Variants in OBI1 observed in about 807,000 individuals in gnomAD.
OBI1 encodes ring finger protein 219.
OBI1 carries 59 observed loss-of-function variants against 62.4 expected under a neutral mutation model. The ratio of observed to expected loss-of-function variants is 0.95; its 90% CI spans 0.77 to 1.17. The LOEUF (loss-of-function observed/expected upper bound fraction) is 1.17, where lower values mean the gene tolerates loss of function less well. Ranked by LOEUF, OBI1 falls within the 50% of genes most tolerant of loss-of-function variation. The pLI is 0.00. For synonymous variants in OBI1, 302 were observed against 292.8 expected, an observed-to-expected ratio of 1.03 and a Z score of -0.32; for missense variants, 875 against 830.9, an observed-to-expected ratio of 1.05 and a Z score of -0.65.
At chr13:78,641,520 A>G (rs543893160) in intron 3 of OBI1, among the ~76,000 whole-genome samples, 1 of 152,300 alleles carries the variant, frequency 6.6e-6, no homozygotes, top group Admixed American at 6.5e-5. Context: ...TCAAAAGTGT[A>G]TGTATTCTAT....
At chr13:78,644,224 T>G (rs2137460282) in intron 2 of OBI1, among the ~76,000 whole-genome samples, 1 of 152,344 alleles carries the variant, frequency 6.6e-6, no homozygotes, top group East Asian at 1.9e-4. Context: ...ACATTTTGGA[T>G]CATACCACTC....
intron 5 of OBI1, among the ~76,000 whole-genome samples, chr13:78,621,322 C>A (rs1461219766): frequency 1.3e-5 from 2 of 152,186 alleles, no homozygotes; most frequent in African/African-American, 2.4e-5. Flanking sequence ...TCACTTCTAG[C>A]TTTTCAGTTC....
chr13:78,649,280 C>A (rs1453029557), intron 1 of OBI1, among the ~76,000 whole-genome samples: 1 of 152,124 alleles, frequency 6.6e-6, no homozygotes, highest in African/African-American at 2.4e-5. Context: ...GAAGAGCAAC[C>A]AGCAGAGGAA....
chr13:78,638,405 G>C (rs1262072805), intron 4 of OBI1, among the ~76,000 whole-genome samples: 1 of 152,150 alleles, frequency 6.6e-6, no homozygotes, highest in African/African-American at 2.4e-5. Flanking sequence ...GGTAGCAAAA[G>C]AAAAGATAAG....
chr13:78,633,806 G>A (rs542349870), intron 5 of OBI1, among the ~76,000 whole-genome samples: 37 of 152,204 alleles, frequency 2.4e-4, no homozygotes, highest in African/African-American at 8.2e-4. Flanking sequence ...GGTGGCTCAC[G>A]CCTGTAATCC....
At chr13:78,619,821 T>C (rs1875451419) in intron 5 of OBI1, among the ~76,000 whole-genome samples, 1 of 152,228 alleles carries the variant, frequency 6.6e-6, no homozygotes, top group African/African-American at 2.4e-5. Flanking sequence ...ATAAAAGTCA[T>C]TCTCTTACTT....
intron 1 of OBI1, among the ~76,000 whole-genome samples, chr13:78,651,906 C>A (rs1876556193): frequency 6.6e-6 from 1 of 152,116 alleles, no homozygotes; most frequent in Non-Finnish European, 1.5e-5. Flanking sequence ...GCTGAGATAA[C>A]AATCCTAAAA....
In OBI1 at chr13:78,659,112, C is replaced by G. The variant is rs754724403; in HGVS notation, c.9G>C (p.Gln3His). 12 of 1,611,524 alleles carry G rather than the reference C, an allele frequency of 7.4e-6. No individual in the cohort carries two copies. The highest frequency in any genetic ancestry group is 3.4e-5 in the Admixed American group (2 of 59,652). Residue 3 changes from glutamine to histidine, a missense_variant, in exon 1 of 6, where the codon CAG becomes CAC. Gln to His is a conservative substitution (Grantham distance 24). Coordinates refer to ENST00000282003, the MANE Select transcript of OBI1 (RefSeq NM_024546.4). MA[Q>H]TVQNVTLSLT... The stretch of plus-strand genomic sequence containing the variant: ...GCGACAATGTAACATTCTGCACGGT[C>G]TGAGCCATGGCAGCGTTCAGAATCC...
chr13:78,652,595 C>A (rs1017866793), intron 1 of OBI1, among the ~76,000 whole-genome samples: 1 of 152,170 alleles, frequency 6.6e-6, no homozygotes, highest in Non-Finnish European at 1.5e-5. Context: ...CGGTCCCCAA[C>A]CTTTTTGGCA....
chr13:78,643,757 C>T (rs1013860211), intron 2 of OBI1, among the ~76,000 whole-genome samples: 2 of 151,790 alleles, frequency 1.3e-5, no homozygotes, highest in East Asian at 3.9e-4. Context: ...CACTGCACTC[C>T]AGCCTGGGTA....
chr13:78,629,686 C>A (rs564653497), intron 5 of OBI1, among the ~76,000 whole-genome samples: 1 of 152,242 alleles, frequency 6.6e-6, no homozygotes, highest in East Asian at 1.9e-4. Flanking sequence ...TATGAGAAAT[C>A]CAGTACTTAA....
chr13:78,655,104 G>A (rs1376068303), intron 1 of OBI1, among the ~76,000 whole-genome samples: 8 of 152,062 alleles, frequency 5.3e-5, no homozygotes, highest in African/African-American at 9.7e-5. Context: ...AACCAACTGC[G>A]GGCCACATTT....
At position 78,652,620 on chromosome 13, in the gene OBI1, C is replaced by T. The variant is rs147612128; in HGVS notation, c.72+6429G>A. Among the ~76,000 whole-genome samples, 303 of 152,218 alleles carry T rather than the reference C, an allele frequency of 2.0e-3. 1 individual carries two copies. Among genetic ancestry groups the T allele is most frequent in the African/African-American group, 6.6e-3 (276 of 41,526 alleles). On this transcript the variant is annotated intron_variant, in intron 1 of 5. Transcript: ENST00000282003. Reference sequence around the variant, plus strand: ...CCTTTTTGGCACTAGGGACTGGTTTCGTGGAAGATAATTTTTCCACAGACT... The same window carrying T: ...CCTTTTTGGCACTAGGGACTGGTTTTGTGGAAGATAATTTTTCCACAGACT...
At chr13:78,632,912 A>G (rs1875897832) in intron 5 of OBI1, among the ~76,000 whole-genome samples, 1 of 152,218 alleles carries the variant, frequency 6.6e-6, no homozygotes, top group Admixed American at 6.5e-5. Flanking sequence ...CTAAAGTTAT[A>G]TTGGATTCAG....
In OBI1 at chr13:78,615,484, C is replaced by A; in HGVS notation, c.*96G>T. On this transcript the variant is annotated 3_prime_UTR_variant, in exon 6 of 6. Transcript: ENST00000282003. ...GATACTTGACTAAAGATTATCAATT[C>A]CAATTTGTATAGAACTTTTATGAGG... 1 of 870,010 alleles carries A rather than the reference C, an allele frequency of 1.1e-6. No individual in the cohort carries two copies. Among genetic ancestry groups the A allele is most frequent in the Non-Finnish European group, 1.8e-6 (1 of 561,802 alleles). The allele number at this position is 870,010 out of a possible 1,614,324, so 53.9% of individuals were successfully genotyped here.
At chr13:78,653,511 T>C (rs1469909259) in intron 1 of OBI1, among the ~76,000 whole-genome samples, 2 of 152,248 alleles carry the variant, frequency 1.3e-5, no homozygotes, top group Non-Finnish European at 2.9e-5. Flanking sequence ...AGAGCTAGCA[T>C]TTGTACTCAA....
chr13:78,634,598 T>G (rs1875964896), intron 5 of OBI1, among the ~76,000 whole-genome samples: 1 of 152,146 alleles, frequency 6.6e-6, no homozygotes, highest in Non-Finnish European at 1.5e-5. Context: ...CGCCCCCTGG[T>G]CAAATGCTAT....
intron 5 of OBI1, among the ~76,000 whole-genome samples, chr13:78,618,291 A>G (rs2137426420): frequency 6.6e-6 from 1 of 152,258 alleles, no homozygotes; most frequent in African/African-American, 2.4e-5. Context: ...AGCTATGAGA[A>G]GGTGACTTTC....
At chr13:78,637,448 A>C (rs916441967) in intron 4 of OBI1, among the ~76,000 whole-genome samples, 3 of 152,220 alleles carry the variant, frequency 2.0e-5, no homozygotes, top group Non-Finnish European at 4.4e-5. Context: ...ACTGTGCTTT[A>C]TGTATTCTTC....
Sources: gnomAD v4.1 joint callset for allele counts (sites outside exome capture counted in the v4.1 genomes callset) on GRCh38, gnomAD v4.1.1 for gene constraint, MANE v1.5 for transcripts, NCBI Gene and HGNC (gene_info 2026-07-23, HGNC 2026-07-21) for gene names.